The following ZFP14 variants were observed in gnomAD, a reference collection of about 807,000 sequenced individuals.
The protein encoded by ZFP14 is zinc finger protein 14 homolog.
A neutral mutation model predicts 54.5 loss-of-function variants in ZFP14; 22 were observed. The ratio of observed to expected loss-of-function variants is 0.40; its 90% CI spans 0.29 to 0.58. The LOEUF (loss-of-function observed/expected upper bound fraction) is 0.58, where lower values mean the gene tolerates loss of function less well. Among genes scored for constraint, ZFP14 ranks in the 20% least tolerant of loss-of-function variants. The probability of loss-of-function intolerance (pLI) is 0.39; values close to 1 mark genes in which losing one functional copy is unlikely to be tolerated. For missense variants in ZFP14, 470 were observed against 637.8 expected (o/e 0.74, Z 2.83); for synonymous variants, 159 against 204.0 (o/e 0.78, Z 1.88).
chr19:36,358,574 TTTTTC>T (rs2031660256), intron 4 of ZFP14, among the ~76,000 whole-genome samples: 1 of 152,202 alleles, frequency 6.6e-6, no homozygotes, highest in Non-Finnish European at 1.5e-5. Flanking sequence ...GTCTCATTTC[TTTTTC>T]TTTTGATAAT....
At chr19:36,347,608 C>CA (rs1055962940) in intron 4 of ZFP14, among the ~76,000 whole-genome samples, 273 of 82,710 alleles carry the variant, frequency 3.3e-3, no homozygotes, top group East Asian at 0.018. Flanking sequence ...GGCTCCATCT[C>CA]AAAAAAAACA....
Position 36,335,585 on chromosome 19 carries a change from A to C in ZFP14, c.*4639T>G, listed in dbSNP as rs1408736098. ...ACAGGGAGTTCACACACACACACACACACACACATTTTTTGTTAATCTATT... is the reference window on the plus strand; with the variant it reads ...ACAGGGAGTTCACACACACACACACCCACACACATTTTTTGTTAATCTATT... On this transcript the variant is annotated 3_prime_UTR_variant, in exon 5 of 5. Transcript: ENST00000270001. 6.6e-6 allele frequency: 1 copy of C among 151,960 alleles called. No homozygotes were observed. Among genetic ancestry groups the C allele is most frequent in the Non-Finnish European group, 1.5e-5 (1 of 68,006 alleles). The allele number at this position is 151,960 out of a possible 1,614,324, so 9.4% of individuals were successfully genotyped here. A position where few individuals can be genotyped will look rare whatever the true frequency, so the allele number is the denominator to read the frequency against.
rs1362700188 is a variant in ZFP14 at position 36,367,746 on chromosome 19, G to A, written c.9+138C>T. 9 of 982,908 alleles carry A rather than the reference G, an allele frequency of 9.2e-6. No homozygotes were observed. In the African/African-American group the frequency reaches 1.2e-4, roughly 13 times the overall value. 60.9% of individuals were successfully genotyped at this position (982,908 alleles called of 1,614,324 possible). On this transcript the variant is annotated intron_variant, in intron 2 of 4. Transcript: ENST00000270001. ...CCCAAAGTGCTGGGATTACAGGCGT[G>A]AGCCATTGCGTCCAGCCATGGAGCA...
At chr19:36,373,963 A>T (rs536854432) in intron 1 of ZFP14, among the ~76,000 whole-genome samples, 26 of 152,060 alleles carry the variant, frequency 1.7e-4, no homozygotes, top group African/African-American at 5.8e-4. Flanking sequence ...AAAAAAATGA[A>T]AGAAAAAAGA....
intron 4 of ZFP14, among the ~76,000 whole-genome samples, chr19:36,350,137 CA>C (rs74174404): frequency 0.059 from 7,436 of 126,514 alleles, 1,100 homozygotes; most frequent in Non-Finnish European, 0.083. Context: ...ACAAAACAAA[CA>C]AAAAAAAAAA....
chr19:36,350,920 C>A (rs2031514970), intron 4 of ZFP14, among the ~76,000 whole-genome samples: 1 of 142,904 alleles, frequency 7.0e-6, no homozygotes, highest in South Asian at 2.2e-4. Flanking sequence ...GAATTCTATT[C>A]TCCACAAAAA....
chr19:36,362,003 C>T (rs746942266), intron 3 of ZFP14, 109 bp downstream of exon 3: 17 of 1,375,494 alleles, frequency 1.2e-5, no homozygotes, highest in South Asian at 4.5e-5. Flanking sequence ...CCTGACAAAG[C>T]TTAAATCATT....
chr19:36,374,683 C>A (rs1241193589), intron 1 of ZFP14, among the ~76,000 whole-genome samples: 1 of 151,758 alleles, frequency 6.6e-6, no homozygotes, highest in Non-Finnish European at 1.5e-5. Context: ...ATGGGTGAAG[C>A]CAGTGTGTTA....
Position 36,338,263 on chromosome 19 carries a change from T to C in ZFP14, c.*1961A>G, listed in dbSNP as rs2031242764. On this transcript the variant is annotated 3_prime_UTR_variant, in exon 5 of 5. Transcript: ENST00000270001. ...ACCTTGTCCTCCCAAAGTGCTGGGA[T>C]TACAGGTGTGACCCCTGTGCCAGGC... 6.6e-6 allele frequency: 1 copy of C among 152,138 alleles called. No homozygotes were observed. Among genetic ancestry groups the C allele is most frequent in the Non-Finnish European group, 1.5e-5 (1 of 68,030 alleles). The allele number at this position is 152,138 out of a possible 1,614,324, so 9.4% of individuals were successfully genotyped here. A position where few individuals can be genotyped will look rare whatever the true frequency, so the allele number is the denominator to read the frequency against.
At position 36,367,956 on chromosome 19, in the gene ZFP14, T is replaced by G; in HGVS notation, c.-64A>C. 1 of 1,562,872 alleles carries G rather than the reference T, an allele frequency of 6.4e-7. No individual in the cohort carries two copies. Among genetic ancestry groups the G allele is most frequent in the Admixed American group, 1.9e-5 (1 of 53,314 alleles). On this transcript the variant is annotated 5_prime_UTR_variant, in exon 2 of 5. Transcript: ENST00000270001. ...ATTTCTCTGTTGGAGAACTATGGAG[T>G]CCTGATAAGCCAGAGCTGAAAGAAG...
intron 1 of ZFP14, among the ~76,000 whole-genome samples, chr19:36,370,966 T>C (rs921773767): frequency 5.9e-5 from 9 of 152,152 alleles, no homozygotes; most frequent in African/African-American, 2.2e-4. Flanking sequence ...AACTGCCTGA[T>C]AAAGAATTAA....
At chr19:36,343,628 G>T (rs2031361554) in intron 4 of ZFP14, among the ~76,000 whole-genome samples, 1 of 152,152 alleles carries the variant, frequency 6.6e-6, no homozygotes, top group Non-Finnish European at 1.5e-5. Context: ...ATAAAGAAAA[G>T]GAATGTATTA....
chr19:36,363,484 C>A (rs1000285303), intron 2 of ZFP14, among the ~76,000 whole-genome samples: 1 of 151,854 alleles, frequency 6.6e-6, no homozygotes, highest in Non-Finnish European at 1.5e-5. Context: ...CGTGAGCCAC[C>A]GCGCCCGGCC....
chr19:36,341,632 TC>T lies in ZFP14; in HGVS notation c.236-43del. The T allele has an allele frequency of 6.6e-7, 1 of 1,505,018 alleles. No individual in the cohort carries two copies. Among genetic ancestry groups the T allele is most frequent in the Non-Finnish European group, 8.8e-7 (1 of 1,133,418 alleles). The allele number at this position is 1,505,018 out of a possible 1,614,324, so 93.2% of individuals were successfully genotyped here. On this transcript the variant is annotated intron_variant, in intron 4 of 4. Coordinates refer to ENST00000270001, the MANE Select transcript of ZFP14 (RefSeq NM_020917.3). The surrounding 1 kb of genome is among the most constrained non-coding windows in gnomAD (Gnocchi z 4.2). ...AAGCAAATACATACTGTTTTCCTGT[TC>T]CAGAAAGAAAAAACAAACAAACAAA...
At chr19:36,371,735 T>C (rs1318635166) in intron 1 of ZFP14, among the ~76,000 whole-genome samples, 2 of 151,960 alleles carry the variant, frequency 1.3e-5, no homozygotes, top group Non-Finnish European at 2.9e-5. Flanking sequence ...AAGGTGGGAT[T>C]ACTTGAGTCC....
chr19:36,363,066 G>C (rs766763903), intron 2 of ZFP14, among the ~76,000 whole-genome samples: 11 of 151,498 alleles, frequency 7.3e-5, no homozygotes, highest in Non-Finnish European at 1.5e-4. Context: ...TAATCTTCTT[G>C]CTTGTCACTA....
At chr19:36,364,982 CTTTT>C (rs1198585944) in intron 2 of ZFP14, among the ~76,000 whole-genome samples, 2 of 129,254 alleles carry the variant, frequency 1.5e-5, no homozygotes, top group Non-Finnish European at 3.2e-5. Context: ...GCTTTCTTTC[CTTTT>C]TCTTTTTCTT....
In ZFP14 at chr19:36,340,747, C is replaced by T. The variant is rs2031295797; in HGVS notation, c.1079G>A (p.Ser360Asn). ...RICQQLTVHQ[S>N]IHTGEKPYEC... ...GTAGGGTTTCTCACCAGTATGAATA[C>T]TCTGATGAACAGTAAGTTGTTGGCA... Residue 360 changes from serine to asparagine, a missense_variant, in exon 5 of 5, where the codon AGT (serine) becomes AAT (asparagine). Ser to Asn is a conservative substitution (Grantham distance 46, BLOSUM62 1). Transcript: ENST00000270001. This position sits in a 1 kb window ranked among gnomAD's most constrained non-coding sequence, Gnocchi z 5.4. 6.2e-7 allele frequency: 1 copy of T among 1,613,968 alleles called. No individual in the cohort carries two copies. Among genetic ancestry groups the T allele is most frequent in the East Asian group, 2.2e-5 (1 of 44,872 alleles).
At chr19:36,367,437 C>G (rs2031811515) in intron 2 of ZFP14, among the ~76,000 whole-genome samples, 1 of 151,976 alleles carries the variant, frequency 6.6e-6, no homozygotes, top group Non-Finnish European at 1.5e-5. Flanking sequence ...ACATAGGATA[C>G]TGGGCTATCT....
Sources: allele counts gnomAD v4.1 joint callset (sites outside exome capture counted in the v4.1 genomes callset), GRCh38; gene constraint gnomAD v4.1.1; non-coding constraint Gnocchi (gnomAD v3.1); transcripts MANE v1.5; gene names NCBI Gene and HGNC (gene_info 2026-07-23, HGNC 2026-07-21).